The following PTGER3 variants were observed in gnomAD, a reference collection of about 807,000 sequenced individuals.
The protein encoded by PTGER3 is prostaglandin E receptor 3.
A neutral mutation model predicts 34.7 loss-of-function variants in PTGER3; 22 were observed. The observed-to-expected ratio is 0.63, with a 90% confidence interval of 0.45 to 0.91. The LOEUF is 0.91. Ranked by LOEUF, PTGER3 falls within the 40% of genes least tolerant of loss-of-function variation. The probability of loss-of-function intolerance (pLI) is 0.00; values close to 1 mark genes in which losing one functional copy is unlikely to be tolerated. For synonymous variants in PTGER3, 241 were observed against 230.1 expected (o/e 1.05, Z -0.43); for missense variants, 468 against 519.4 (o/e 0.90, Z 0.96).
At position 71,021,482 on chromosome 1, in the gene PTGER3, T is replaced by C. The variant is rs570154960; in HGVS notation, c.898-8998A>G. Among the ~76,000 whole-genome samples the C allele has an allele frequency of 3.3e-5, 5 of 152,266 alleles. No homozygotes were observed. The South Asian group carries it at 1.0e-3, about 32-fold the overall frequency. ...GATTCATTTCTTGGATTATGGATGA[T>C]GGATTAGCTGGGTGACACACAAGTT... On this transcript the variant is annotated intron_variant, in intron 1 of 3. Transcript: ENST00000306666.
intron 1 of PTGER3, among the ~76,000 whole-genome samples, chr1:71,027,509 C>G (rs535644180): frequency 1.5e-4 from 23 of 152,160 alleles, no homozygotes; most frequent in Non-Finnish European, 2.6e-4. Context: ...CAGGAATTGG[C>G]AAATAGATCT....
intron 4 of PTGER3, among the ~76,000 whole-genome samples, chr1:70,922,777 C>T (rs1453279153): frequency 1.3e-5 from 2 of 151,998 alleles, no homozygotes; most frequent in African/African-American, 4.8e-5. Flanking sequence ...AATTTTTCTG[C>T]CTAGATTAAA....
intron 1 of PTGER3, among the ~76,000 whole-genome samples, chr1:71,023,194 C>T (rs1034517313): frequency 2.0e-5 from 3 of 151,876 alleles, no homozygotes; most frequent in Non-Finnish European, 4.4e-5. Context: ...CAAGGCTGTT[C>T]CCAAGGCCAC....
At chr1:71,017,166 G>A (rs1399378645) in intron 1 of PTGER3, among the ~76,000 whole-genome samples, 1 of 152,046 alleles carries the variant, frequency 6.6e-6, no homozygotes, top group East Asian at 1.9e-4. Context: ...TAGATTACCT[G>A]CGTGGACCCA....
At chr1:70,873,594 G>C (rs1022035549) in intron 4 of PTGER3, among the ~76,000 whole-genome samples, 1 of 151,696 alleles carries the variant, frequency 6.6e-6, no homozygotes. Flanking sequence ...GTTTTTTGGG[G>C]GAACAGGTGG....
chr1:70,859,612 C>T (rs1475823962), intron 4 of PTGER3, among the ~76,000 whole-genome samples: 3 of 152,176 alleles, frequency 2.0e-5, no homozygotes, highest in African/African-American at 7.2e-5. Context: ...TTTGACATAA[C>T]GGGCGAAAAC....
At chr1:70,920,425 A>G (rs546338470) in intron 4 of PTGER3, among the ~76,000 whole-genome samples, 18 of 152,342 alleles carry the variant, frequency 1.2e-4, no homozygotes, top group African/African-American at 4.3e-4. Flanking sequence ...GCGATTGAGC[A>G]GGGTTCCAAT....
chr1:70,976,333 A>G (rs1191725366), intron 2 of PTGER3, among the ~76,000 whole-genome samples: 3 of 152,088 alleles, frequency 2.0e-5, no homozygotes, highest in Non-Finnish European at 4.4e-5. Flanking sequence ...AATGTAAACT[A>G]TGGACTTTGG....
chr1:70,891,290 A>C (rs952326483), intron 4 of PTGER3, among the ~76,000 whole-genome samples: 1 of 152,176 alleles, frequency 6.6e-6, no homozygotes, highest in Admixed American at 6.5e-5. Context: ...AATAATTTCC[A>C]AGTTATTTCT....
chr1:70,872,322 T>C (rs1471258963), intron 4 of PTGER3, among the ~76,000 whole-genome samples: 6 of 152,184 alleles, frequency 3.9e-5, no homozygotes, highest in African/African-American at 7.2e-5. Flanking sequence ...TTAAATCTTG[T>C]AAACAGTTGT....
intron 1 of PTGER3, among the ~76,000 whole-genome samples, chr1:71,013,839 T>A (rs1657661138): frequency 6.6e-6 from 1 of 152,060 alleles, no homozygotes; most frequent in Admixed American, 6.5e-5. Flanking sequence ...GCATTGTTCA[T>A]AATAGCAAAA....
At chr1:70,924,202 ACAGAGTTCCAT>A (rs1647831064) in intron 4 of PTGER3, among the ~76,000 whole-genome samples, 1 of 152,178 alleles carries the variant, frequency 6.6e-6, no homozygotes, top group Admixed American at 6.5e-5. Context: ...TTTCTATGGA[ACAGAGTTCCAT>A]TGAAGCCATT....
intron 1 of PTGER3, among the ~76,000 whole-genome samples, chr1:71,032,251 T>C (rs1557760707): frequency 2.0e-5 from 3 of 152,220 alleles, no homozygotes. Flanking sequence ...ATACTCTTAC[T>C]TCTGGAAAAT....
chr1:70,930,784 A>G (rs1339538311), intron 4 of PTGER3, among the ~76,000 whole-genome samples: 1 of 152,094 alleles, frequency 6.6e-6, no homozygotes, highest in African/African-American at 2.4e-5. Flanking sequence ...CCCACAGAAC[A>G]CGGGAATTAT....
At chr1:70,991,731 C>G (rs930548146) in intron 2 of PTGER3, among the ~76,000 whole-genome samples, 20 of 152,154 alleles carry the variant, frequency 1.3e-4, no homozygotes, top group Admixed American at 4.6e-4. Context: ...CTTAACTGTT[C>G]TATGTCCCAT....
chr1:70,863,208 G>A (rs544231141), intron 4 of PTGER3, among the ~76,000 whole-genome samples: 123 of 151,836 alleles, frequency 8.1e-4, no homozygotes, highest in Non-Finnish European at 1.5e-3. Flanking sequence ...TCCCATGTTC[G>A]TCTTTGCCCA....
At chr1:70,925,964 A>G (rs989521666) in intron 4 of PTGER3, among the ~76,000 whole-genome samples, 1 of 152,198 alleles carries the variant, frequency 6.6e-6, no homozygotes, top group Non-Finnish European at 1.5e-5. Flanking sequence ...TTTTTGAACC[A>G]CAATGTATCC....
At chr1:70,961,174 C>T (rs6662248) in intron 2 of PTGER3, among the ~76,000 whole-genome samples, 19,407 of 152,174 alleles carry the variant, frequency 0.13, 1,889 homozygotes, top group African/African-American at 0.26. Flanking sequence ...AAATCCTCGG[C>T]CCCATGCCAG....
At chr1:70,934,412 C>T (rs1461472024) in intron 4 of PTGER3, among the ~76,000 whole-genome samples, 1 of 152,188 alleles carries the variant, frequency 6.6e-6, no homozygotes, top group African/African-American at 2.4e-5. Context: ...GACTGGCTCC[C>T]TTTCAGGAAT....
Sources: allele counts gnomAD v4.1 joint callset (sites outside exome capture counted in the v4.1 genomes callset), GRCh38; gene constraint gnomAD v4.1.1; transcripts MANE v1.5; gene names NCBI Gene and HGNC (gene_info 2026-07-23, HGNC 2026-07-21).